LPA: variants seen among roughly 807,000 people sequenced by gnomAD.
LPA encodes apolipoprotein(a).
In LPA, 199 loss-of-function variants were observed where a neutral mutation model predicts 197.9. The ratio of observed to expected loss-of-function variants is 1.01; its 90% confidence interval spans 0.90 to 1.13. The LOEUF is 1.13. Among genes scored for constraint, LPA ranks in the 50% most tolerant of loss-of-function variants. The pLI, the probability that LPA is intolerant of heterozygous loss-of-function variation, is 0.00. For synonymous variants in LPA, 715 were observed against 639.5 expected, an observed-to-expected ratio of 1.12 and a Z score of -1.78; for missense variants, 1,853 against 1,785.8, an observed-to-expected ratio of 1.04 and a Z score of -0.68.
intron 26 of LPA, among the ~76,000 whole-genome samples, chr6:160,584,285 T>TTCA (rs1470777160): frequency 2.7e-5 from 4 of 149,270 alleles, no homozygotes; most frequent in Non-Finnish European, 4.5e-5. Flanking sequence ...CTTCTTCTTC[T>TTCA]TCTTCTTCCT....
chr6:160,604,092 A>G (rs1217105352), intron 18 of LPA, among the ~76,000 whole-genome samples: 2 of 152,272 alleles, frequency 1.3e-5, no homozygotes, highest in East Asian at 1.9e-4. Context: ...TTAGCCAAAG[A>G]TTCGAGGAGA....
rs1463071182 is a variant in LPA at position 160,578,699 on chromosome 6, A to G, written c.4295T>C (p.Leu1432Pro). 2 of 1,613,824 alleles carry G rather than the reference A, an allele frequency of 1.2e-6. No homozygotes were observed. Among genetic ancestry groups the G allele is most frequent in the Non-Finnish European group, 1.7e-6 (2 of 1,179,884 alleles). ...RIPLYYPNAG[L>P]TRNYCRNPDA... ...TGGATTCCTGCAGTAGTTCCTGGTC[A>G]GGCCACTGCAAATTTCAAAACAACA... The change falls in exon 27 of 39, where the codon CTG becomes CCG. Residue 1432 changes from leucine to proline, a missense_variant. By Grantham distance (98) the Leu-to-Pro change is moderately conservative. This residue lies in a region of LPA where 1,737 missense variants were observed against 1,504.4 expected (regional missense o/e 1.15). Transcript: ENST00000316300.
intron 37 of LPA, among the ~76,000 whole-genome samples, chr6:160,536,457 C>G (rs1183174634): frequency 6.6e-6 from 1 of 152,066 alleles, no homozygotes; most frequent in African/African-American, 2.4e-5. Flanking sequence ...TTATTATTTC[C>G]CCCATAACAG....
At position 160,653,982 on chromosome 6, in the gene LPA, ATATATAATATATAT is replaced by A. The variant is rs1780060772; in HGVS notation, c.50-3499_50-3486del. On this transcript the variant is annotated intron_variant, in intron 1 of 38. Coordinates refer to ENST00000316300, the MANE Select transcript of LPA (RefSeq NM_005577.4). ...TAATATATATTATATATAATATATA[ATATATAATATATAT>A]TATATATAATATATATTATATATAA... 7.8e-4 allele frequency among the ~76,000 whole-genome samples: 9 copies of A among 11,610 alleles called. 1 individual carries two copies. The highest frequency in any genetic ancestry group is 1.2e-3 in the African/African-American group (4 of 3,404). The allele number at this position is 11,610 out of a possible 152,430, so 7.6% of individuals were successfully genotyped here. A position where few individuals can be genotyped will look rare whatever the true frequency, so the allele number is the denominator to read the frequency against.
chr6:160,586,427 T>C (rs1280888806), intron 25 of LPA, 22 bp downstream of exon 25: 2 of 1,612,506 alleles, frequency 1.2e-6, no homozygotes, highest in African/African-American at 2.7e-5. Flanking sequence ...AGGGTATGGT[T>C]GTCTGACTGC....
intron 24 of LPA, among the ~76,000 whole-genome samples, chr6:160,588,190 T>C (rs1778952793): frequency 6.6e-6 from 1 of 152,170 alleles, no homozygotes; most frequent in African/African-American, 2.4e-5. Context: ...TAAATAGAAG[T>C]AACGCAATAG....
At chr6:160,567,500 T>C (rs1214059313) in intron 28 of LPA, among the ~76,000 whole-genome samples, 4 of 152,170 alleles carry the variant, frequency 2.6e-5, no homozygotes, top group Non-Finnish European at 5.9e-5. Flanking sequence ...AAGCAGTGTG[T>C]AGGGGGAGAT....
At chr6:160,551,629 A>ATTT (rs1359335285) in intron 30 of LPA, among the ~76,000 whole-genome samples, 1 of 152,164 alleles carries the variant, frequency 6.6e-6, no homozygotes, top group South Asian at 2.1e-4. Context: ...TGAAGATTTT[A>ATTT]TATTTTTTCA....
chr6:160,555,436 C>CATATATATATATATATATATATAT (rs770158265), intron 30 of LPA, among the ~76,000 whole-genome samples: 108 of 121,954 alleles, frequency 8.9e-4, no homozygotes, highest in East Asian at 4.4e-3. Context: ...TTCCCTAGAA[C>CATATATATATATATATATATATAT]ATATATATAT....
rs114259015 is a variant in LPA at position 160,658,009 on chromosome 6, G to A, written c.49+6157C>T. On this transcript the variant is annotated intron_variant, in intron 1 of 38. Transcript: ENST00000316300. ...AGGGGCATTAGGGGTGCCTCTTGAG[G>A]AGAATCAACATTATCTTGCCTGGCA... Among the ~76,000 whole-genome samples the A allele has an allele frequency of 3.8e-3, 583 of 152,248 alleles. 4 individuals are homozygous for A. Among genetic ancestry groups the A allele is most frequent in the African/African-American group, 0.013 (558 of 41,534 alleles).
intron 1 of LPA, 64 bp from the exon 2 acceptor site, chr6:160,650,561 T>C: frequency 2.0e-6 from 3 of 1,510,508 alleles, no homozygotes; most frequent in Non-Finnish European, 2.8e-6. Context: ...TGTGAAGTCA[T>C]TTATGACACA....
At chr6:160,573,583 C>T (rs921726013) in intron 28 of LPA, among the ~76,000 whole-genome samples, 2 of 152,154 alleles carry the variant, frequency 1.3e-5, no homozygotes, top group Non-Finnish European at 2.9e-5. Context: ...GGGCTGAAGG[C>T]TGTTGTTCAG....
intron 17 of LPA, among the ~76,000 whole-genome samples, chr6:160,605,734 CTGCAGACAAAGACACTTCAGTTATCAGGG>C: frequency 1.3e-5 from 2 of 152,188 alleles, no homozygotes; most frequent in Middle Eastern, 3.2e-3. Context: ...TCGTCTAGGA[CTGCAGACAAAGACACTTCAGTTATCAGGG>C]ATGGGTGGAG....
chr6:160,659,183 C>T (rs1023491147), intron 1 of LPA, among the ~76,000 whole-genome samples: 1 of 152,100 alleles, frequency 6.6e-6, no homozygotes, highest in African/African-American at 2.4e-5. Context: ...CATTTTTCTG[C>T]CAGCTTTATA....
Position 160,542,758 on chromosome 6 carries a change from G to T in LPA, c.5449C>A (p.Pro1817Thr). Residue 1817 changes from proline to threonine, a missense_variant, in exon 34 of 39, where the codon CCT (proline) becomes ACT (threonine). Around this residue, in one of 3 missense-constraint regions of LPA, gnomAD observed 1,737 missense variants for 1,504.4 expected, o/e 1.15. Coordinates refer to ENST00000316300, the MANE Select transcript of LPA (RefSeq NM_005577.4). ...ACACACCCCCCTACAATGCTTCCAG[G>T]ACATTTCTTCGGCTCCACTTGAGGC... ...GKPQVEPKKCPGSIVGGCVAH... is the reference protein window; with the variant it reads ...GKPQVEPKKCTGSIVGGCVAH... 1 of 1,614,090 alleles carries T rather than the reference G, an allele frequency of 6.2e-7. No individual in the cohort carries two copies. Among genetic ancestry groups the T allele is most frequent in the Non-Finnish European group, 8.5e-7 (1 of 1,180,000 alleles).
intron 30 of LPA, among the ~76,000 whole-genome samples, chr6:160,552,937 G>T (rs1367525611): frequency 6.6e-6 from 1 of 151,232 alleles, no homozygotes; most frequent in African/African-American, 2.4e-5. Context: ...TCCTTCTTTT[G>T]CATAAAAGGA....
chr6:160,573,779 C>G (rs956841330), intron 28 of LPA, among the ~76,000 whole-genome samples: 3 of 152,142 alleles, frequency 2.0e-5, no homozygotes, highest in African/African-American at 7.2e-5. Context: ...TGTGAACCAT[C>G]TATGGGTCTC....
At chr6:160,610,124 A>G (rs1393029198) in intron 16 of LPA, among the ~76,000 whole-genome samples, 1 of 151,940 alleles carries the variant, frequency 6.6e-6, no homozygotes, top group Non-Finnish European at 1.5e-5. Flanking sequence ...GCCTGTTTGT[A>G]TTGCCTGATT....
At chr6:160,553,954 T>TGTGCGC (rs771903485) in intron 30 of LPA, among the ~76,000 whole-genome samples, 5 of 130,748 alleles carry the variant, frequency 3.8e-5, no homozygotes, top group African/African-American at 1.5e-4. Flanking sequence ...TGTGTGTGTG[T>TGTGCGC]GCGCGCGCGC....
Sources: allele counts gnomAD v4.1 joint callset (sites outside exome capture counted in the v4.1 genomes callset), GRCh38; gene constraint gnomAD v4.1.1; regional missense constraint gnomAD v4.1.1; transcripts MANE v1.5; gene names NCBI Gene and HGNC (gene_info 2026-07-23, HGNC 2026-07-21).